The following OXR1 variants were observed in gnomAD, a reference collection of about 807,000 sequenced individuals.
OXR1 encodes oxidation resistance 1.
OXR1 carries 41 observed loss-of-function variants against 104.6 expected under a neutral mutation model. The observed-to-expected ratio is 0.39, with a 90% CI of 0.31 to 0.51. The LOEUF (loss-of-function observed/expected upper bound fraction) is 0.51. OXR1 is among the 20% of genes least tolerant of loss of function. OXR1 has a pLI of 0.77. For missense variants in OXR1, 955 were observed against 1,031.9 expected (o/e 0.93, Z 1.02); for synonymous variants, 348 against 348.4 (o/e 1.00, Z 0.01).
intron 9 of OXR1, 63 bp from the exon 10 acceptor site, chr8:106,710,558 TA>T (rs1831587735): frequency 1.8e-6 from 2 of 1,107,690 alleles, no homozygotes; most frequent in African/African-American, 3.2e-5. Context: ...AAGGTAAAGT[TA>T]ACTAAACTAC....
intron 3 of OXR1, among the ~76,000 whole-genome samples, chr8:106,673,802 C>T (rs1827287953): frequency 6.6e-6 from 1 of 152,092 alleles, no homozygotes; most frequent in South Asian, 2.1e-4. Context: ...CAGCCCAGGC[C>T]ATTTATTTAG....
At chr8:106,342,064 T>C (rs975146777) in intron 1 of OXR1, among the ~76,000 whole-genome samples, 2 of 150,906 alleles carry the variant, frequency 1.3e-5, no homozygotes, top group African/African-American at 2.4e-5. Context: ...AATTCTTTTT[T>C]TTTTGTTGTA....
intron 1 of OXR1, among the ~76,000 whole-genome samples, chr8:106,345,778 A>G (rs1815451956): frequency 6.6e-6 from 1 of 152,224 alleles, no homozygotes; most frequent in African/African-American, 2.4e-5. Context: ...TTTAAAATAT[A>G]TTATGATTAT....
At chr8:106,454,875 T>G (rs1249020085) in intron 2 of OXR1, among the ~76,000 whole-genome samples, 1 of 152,154 alleles carries the variant, frequency 6.6e-6, no homozygotes, top group East Asian at 1.9e-4. Context: ...CCTTTCTTAC[T>G]TCCCCAGATG....
chr8:106,653,163 ATGGT>A (rs1824762272), intron 3 of OXR1, among the ~76,000 whole-genome samples: 1 of 151,130 alleles, frequency 6.6e-6, no homozygotes, highest in African/African-American at 2.4e-5. Flanking sequence ...GATGGCTTCA[ATGGT>A]GAATTCTACC....
At chr8:106,431,336 G>T (rs2130563434) in intron 2 of OXR1, among the ~76,000 whole-genome samples, 1 of 152,258 alleles carries the variant, frequency 6.6e-6, no homozygotes. Context: ...AACTGGTGTG[G>T]ATAACTGGAA....
intron 10 of OXR1, 129 bp downstream of exon 10, chr8:106,710,919 T>C (rs1431403247): frequency 5.1e-5 from 28 of 550,870 alleles, no homozygotes; most frequent in Non-Finnish European, 7.7e-5. Context: ...AATAAGTCTA[T>C]TTGAAACCAT....
At position 106,692,890 on chromosome 8, in the gene OXR1, A is replaced by C; in HGVS notation, c.675+13A>C. 6.4e-7 allele frequency: 1 copy of C among 1,566,916 alleles called. No individual in the cohort carries two copies. Among genetic ancestry groups the C allele is most frequent in the Non-Finnish European group, 8.7e-7 (1 of 1,149,054 alleles). On this transcript the variant is annotated intron_variant, in intron 7 of 16. Transcript: ENST00000517566. Reference sequence around the variant, plus strand: ...TACCAGTGGCAAGGTAAAGAATGACACTTTAGAGAAGACCTTTAATCATGC... The same window carrying C: ...TACCAGTGGCAAGGTAAAGAATGACCCTTTAGAGAAGACCTTTAATCATGC...
chr8:106,738,432 A>G lies in OXR1; in HGVS notation c.2037+832A>G, dbSNP rs150867527. On this transcript the variant is annotated intron_variant, in intron 12 of 16. Coordinates refer to ENST00000517566, the MANE Select transcript of OXR1 (RefSeq NM_001198533.2). ...ACTTATAGAACATGTATTGGTTGCA[A>G]ATATATGCTGCTCAGGTTTGTTAAG... Among the ~76,000 whole-genome samples the G allele has an allele frequency of 6.1e-4, 93 of 152,180 alleles. 2 individuals are homozygous for G. In the East Asian group the frequency reaches 0.017, roughly 28 times the overall value.
At chr8:106,660,973 C>G (rs930571168) in intron 3 of OXR1, among the ~76,000 whole-genome samples, 1 of 152,170 alleles carries the variant, frequency 6.6e-6, no homozygotes, top group South Asian at 2.1e-4. Context: ...CCCTACTGCA[C>G]TCCAGCCTGG....
intron 2 of OXR1, among the ~76,000 whole-genome samples, chr8:106,484,568 C>T (rs768256684): frequency 8.6e-5 from 13 of 151,920 alleles, no homozygotes; most frequent in South Asian, 4.2e-4. Context: ...TATGAAAAGA[C>T]GCTTCATATC....
At chr8:106,353,427 A>G (rs1815822435) in intron 1 of OXR1, among the ~76,000 whole-genome samples, 2 of 133,286 alleles carry the variant, frequency 1.5e-5, no homozygotes, top group South Asian at 2.2e-4. Context: ...CACAGGAAAA[A>G]TAATATCTTT....
At chr8:106,654,642 CAT>C (rs1311876286) in intron 3 of OXR1, among the ~76,000 whole-genome samples, 1 of 152,050 alleles carries the variant, frequency 6.6e-6, no homozygotes, top group Non-Finnish European at 1.5e-5. Context: ...AAATAAAACT[CAT>C]AGAAAAAACA....
intron 4 of OXR1, among the ~76,000 whole-genome samples, chr8:106,680,468 G>A (rs953735549): frequency 1.3e-5 from 2 of 151,960 alleles, no homozygotes; most frequent in Admixed American, 6.6e-5. Flanking sequence ...AATTATCTTT[G>A]ATTGCCATTT....
chr8:106,348,737 G>A (rs542919479), intron 1 of OXR1, among the ~76,000 whole-genome samples: 1 of 152,082 alleles, frequency 6.6e-6, no homozygotes, highest in Non-Finnish European at 1.5e-5. Flanking sequence ...GTTTTGAACC[G>A]AGAATTCTGT....
At chr8:106,621,056 AG>A (rs111271855) in intron 3 of OXR1, among the ~76,000 whole-genome samples, 14 of 152,342 alleles carry the variant, frequency 9.2e-5, no homozygotes, top group African/African-American at 3.4e-4. Context: ...CTGAATTTAG[AG>A]GAGAACCGTG....
intron 3 of OXR1, among the ~76,000 whole-genome samples, chr8:106,534,223 A>G (rs1814311223): frequency 6.6e-6 from 1 of 152,200 alleles, no homozygotes; most frequent in African/African-American, 2.4e-5. Context: ...AATCCTGGGT[A>G]GCAAGACTAA....
intron 1 of OXR1, among the ~76,000 whole-genome samples, chr8:106,296,061 C>A (rs1267079285): frequency 6.6e-6 from 1 of 152,150 alleles, no homozygotes; most frequent in Non-Finnish European, 1.5e-5. Flanking sequence ...AGGTGTACCA[C>A]TCATTAGGAA....
At chr8:106,483,156 C>G (rs1822243481) in intron 2 of OXR1, among the ~76,000 whole-genome samples, 1 of 151,812 alleles carries the variant, frequency 6.6e-6, no homozygotes, top group African/African-American at 2.4e-5. Context: ...TCACAGTAGT[C>G]AGCTGAGAAT....
Sources: gnomAD v4.1 joint callset for allele counts (sites outside exome capture counted in the v4.1 genomes callset) on GRCh38, gnomAD v4.1.1 for gene constraint, MANE v1.5 for transcripts, NCBI Gene and HGNC (gene_info 2026-07-23, HGNC 2026-07-21) for gene names.